The following MALRD1 variants were observed in gnomAD, a reference collection of about 807,000 sequenced individuals.
MALRD1 encodes the protein MAM and LDL-receptor class A domain-containing protein 1.
In MALRD1, 247 loss-of-function variants were observed where a neutral mutation model predicts 242.1. The observed-to-expected ratio is 1.02, with a 90% CI of 0.92 to 1.13. The LOEUF (loss-of-function observed/expected upper bound fraction) is 1.13. MALRD1 is among the 50% of genes most tolerant of loss of function. The probability of loss-of-function intolerance (pLI) is 0.00; values close to 1 mark genes in which losing one functional copy is unlikely to be tolerated. For missense variants in MALRD1, 2,989 were observed against 2,533.1 expected (o/e 1.18, Z -3.86); for synonymous variants, 995 against 866.6 (o/e 1.15, Z -2.60).
chr10:19,589,293 A>G (rs1837627576), intron 33 of MALRD1, among the ~76,000 whole-genome samples: 2 of 151,896 alleles, frequency 1.3e-5, no homozygotes, highest in Non-Finnish European at 2.9e-5. Context: ...GTATGTCTAT[A>G]TATATATATA....
intron 21 of MALRD1, among the ~76,000 whole-genome samples, chr10:19,294,847 A>T (rs557504945): frequency 2.6e-5 from 4 of 152,294 alleles, no homozygotes; most frequent in Admixed American, 2.6e-4. Flanking sequence ...TTAGATATAG[A>T]TAAGAAAGAC....
chr10:19,167,298 G>T (rs1402154413), intron 13 of MALRD1, among the ~76,000 whole-genome samples: 3 of 152,172 alleles, frequency 2.0e-5, no homozygotes, highest in East Asian at 1.9e-4. Context: ...GGTGGAAGTT[G>T]CAGTGAGCTG....
chr10:19,148,751 T>C (rs1023347538), intron 11 of MALRD1, among the ~76,000 whole-genome samples: 2 of 133,512 alleles, frequency 1.5e-5, no homozygotes, highest in African/African-American at 2.8e-5. Flanking sequence ...ACGCAGTCTT[T>C]CTCATTTTAG....
At chr10:19,501,727 A>G (rs957002366) in intron 31 of MALRD1, among the ~76,000 whole-genome samples, 5 of 152,096 alleles carry the variant, frequency 3.3e-5, no homozygotes, top group Non-Finnish European at 7.4e-5. Flanking sequence ...AGGAGGAAAT[A>G]AACTCAGTAG....
At chr10:19,215,582 A>G (rs916107540) in intron 18 of MALRD1, among the ~76,000 whole-genome samples, 1 of 152,094 alleles carries the variant, frequency 6.6e-6, no homozygotes, top group Non-Finnish European at 1.5e-5. Flanking sequence ...TCTTTCACCC[A>G]AGCTTCATCA....
At chr10:19,546,067 T>C (rs921112251) in intron 32 of MALRD1, among the ~76,000 whole-genome samples, 4 of 152,208 alleles carry the variant, frequency 2.6e-5, no homozygotes, top group Non-Finnish European at 5.9e-5. Context: ...GTTAACTGTC[T>C]TTCCCATGGT....
Position 19,602,440 on chromosome 10 carries a change from G to A in MALRD1, c.5945-5337G>A, listed in dbSNP as rs982319282. Among the ~76,000 whole-genome samples, 4 of 146,490 alleles carry A rather than the reference G, an allele frequency of 2.7e-5. No homozygotes were observed. In the South Asian group the frequency reaches 6.4e-4, roughly 23 times the overall value. On this transcript the variant is annotated intron_variant, in intron 34 of 39. Coordinates refer to ENST00000454679, the MANE Select transcript of MALRD1 (RefSeq NM_001142308.3). Reference sequence around the variant, plus strand: ...AATTCCCATCTATGAGTGAGAACACGCGGTGTTTGTTTTTTTTTCCTTGCG... The same window carrying A: ...AATTCCCATCTATGAGTGAGAACACACGGTGTTTGTTTTTTTTTCCTTGCG...
At chr10:19,571,543 T>G (rs1009900510) in intron 33 of MALRD1, among the ~76,000 whole-genome samples, 1 of 152,152 alleles carries the variant, frequency 6.6e-6, no homozygotes, top group Non-Finnish European at 1.5e-5. Flanking sequence ...GACATTCCTC[T>G]TTAAAGTTTT....
chr10:19,612,958 C>T (rs539803117), intron 35 of MALRD1, among the ~76,000 whole-genome samples: 1 of 152,012 alleles, frequency 6.6e-6, no homozygotes, highest in African/African-American at 2.4e-5. Context: ...CTTATCACTG[C>T]TTAACAGGCT....
intron 36 of MALRD1, among the ~76,000 whole-genome samples, chr10:19,636,185 A>G (rs933908915): frequency 6.6e-6 from 1 of 152,342 alleles, no homozygotes; most frequent in Admixed American, 6.5e-5. Context: ...TCAGAAGACA[A>G]CAGAAAGAAA....
At chr10:19,141,145 A>G (rs1181461331) in intron 10 of MALRD1, among the ~76,000 whole-genome samples, 1 of 152,202 alleles carries the variant, frequency 6.6e-6, no homozygotes, top group Non-Finnish European at 1.5e-5. Flanking sequence ...CAAAATAATT[A>G]AAATACAACA....
At chr10:19,219,468 A>G (rs2131660182) in intron 18 of MALRD1, among the ~76,000 whole-genome samples, 1 of 152,060 alleles carries the variant, frequency 6.6e-6, no homozygotes, top group Admixed American at 6.5e-5. Context: ...ACAAGTTCTC[A>G]CTCTGTTGCC....
chr10:19,182,936 T>C (rs1835574039), intron 14 of MALRD1, among the ~76,000 whole-genome samples: 1 of 152,152 alleles, frequency 6.6e-6, no homozygotes, highest in African/African-American at 2.4e-5. Flanking sequence ...CATTTTATAA[T>C]CTGAAATGTA....
At chr10:19,398,220 T>C (rs1449621432) in intron 28 of MALRD1, among the ~76,000 whole-genome samples, 3 of 152,052 alleles carry the variant, frequency 2.0e-5, no homozygotes, top group Non-Finnish European at 4.4e-5. Flanking sequence ...TGAGGTCTTA[T>C]CCAAAAAAAT....
chr10:19,676,042 C>T (rs1166318693), intron 36 of MALRD1, among the ~76,000 whole-genome samples: 1 of 152,138 alleles, frequency 6.6e-6, no homozygotes, highest in Admixed American at 6.6e-5. Context: ...CCAATGAAAA[C>T]AGATGTCGTG....
chr10:19,268,869 A>T (rs529281487), intron 19 of MALRD1, among the ~76,000 whole-genome samples: 2 of 152,286 alleles, frequency 1.3e-5, no homozygotes, highest in East Asian at 1.9e-4. Context: ...GAGTTAGATC[A>T]CTGAGTCCAT....
chr10:19,147,611 G>A (rs1335456478), intron 11 of MALRD1, among the ~76,000 whole-genome samples: 2 of 152,184 alleles, frequency 1.3e-5, no homozygotes, highest in East Asian at 1.9e-4. Context: ...TAGCATAGAC[G>A]ATACCTGGAT....
At chr10:19,586,217 C>T (rs527848034) in intron 33 of MALRD1, among the ~76,000 whole-genome samples, 1 of 152,324 alleles carries the variant, frequency 6.6e-6, no homozygotes, top group East Asian at 1.9e-4. Context: ...AAGCCTTCTT[C>T]TCTCAGCTCG....
intron 18 of MALRD1, among the ~76,000 whole-genome samples, chr10:19,221,205 C>A (rs1837541831): frequency 6.6e-6 from 1 of 151,912 alleles, no homozygotes. Context: ...TTTTTTAATA[C>A]TTCTAGTAAT....
Sources: gnomAD v4.1 joint callset for allele counts (sites outside exome capture counted in the v4.1 genomes callset) on GRCh38, gnomAD v4.1.1 for gene constraint, MANE v1.5 for transcripts, NCBI Gene and HGNC (gene_info 2026-07-23, HGNC 2026-07-21) for gene names.